The following FNIP1 variants were observed in gnomAD, a reference collection of about 807,000 sequenced individuals.
FNIP1 encodes the protein folliculin interacting protein 1, also known as folliculin-interacting protein 1.
A neutral mutation model predicts 124.5 loss-of-function variants in FNIP1; 40 were observed. That is an observed-to-expected ratio of 0.32 (90% CI 0.25 to 0.42). The LOEUF (loss-of-function observed/expected upper bound fraction) is 0.42. FNIP1 is among the 10% of genes least tolerant of loss of function. FNIP1 has a pLI of 1.00. For missense variants in FNIP1, 1,176 were observed against 1,403.7 expected (o/e 0.84, Z 2.59); for synonymous variants, 472 against 470.6 (o/e 1.00, Z -0.04).
chr5:131,704,204 C>T lies in FNIP1; in HGVS notation c.977G>A (p.Arg326Gln), dbSNP rs192426636. 39 of 1,613,554 alleles carry T rather than the reference C, an allele frequency of 2.4e-5. No individual in the cohort carries two copies. Among genetic ancestry groups the T allele is most frequent in the Admixed American group, 1.7e-4 (10 of 59,998 alleles). The change falls in exon 10 of 18, where the codon CGG becomes CAG. Residue 326 changes from arginine (R) to glutamine (Q), a missense_variant. Around this residue, in one of 2 missense-constraint regions of FNIP1, gnomAD observed 1,109 missense variants for 1,288.5 expected, o/e 0.86. Coordinates refer to ENST00000510461, the MANE Select transcript of FNIP1 (RefSeq NM_133372.3). ...ESCGPNPGIV[R>Q]KKKIAIGVIF... ...TACCCCAATTGCAATCTTCTTTTTC[C>T]GCACAATTCCTGGGTTAGGGCCACA...
intron 1 of FNIP1, among the ~76,000 whole-genome samples, chr5:131,784,141 G>T (rs183262577): frequency 2.0e-5 from 3 of 152,228 alleles, no homozygotes; most frequent in East Asian, 3.9e-4. Flanking sequence ...GGGCTGGAAG[G>T]TTCCAAAAAA....
At chr5:131,715,762 A>C (rs1769447813) in intron 6 of FNIP1, among the ~76,000 whole-genome samples, 1 of 152,128 alleles carries the variant, frequency 6.6e-6, no homozygotes, top group African/African-American at 2.4e-5. Context: ...GAATAAACAC[A>C]AATTATAAAA....
chr5:131,752,966 G>A (rs927894285), intron 1 of FNIP1, among the ~76,000 whole-genome samples: 2 of 152,190 alleles, frequency 1.3e-5, no homozygotes, highest in African/African-American at 4.8e-5. Flanking sequence ...CAGCTACTTG[G>A]GAGGCTGAGG....
At chr5:131,659,545 C>G (rs1172507250) in intron 15 of FNIP1, among the ~76,000 whole-genome samples, 13 of 152,320 alleles carry the variant, frequency 8.5e-5, no homozygotes, top group Non-Finnish European at 1.9e-4. Flanking sequence ...CGGTGAGGAT[C>G]TTCATGAGGT....
chr5:131,676,131 C>A (rs1456748003), intron 13 of FNIP1, among the ~76,000 whole-genome samples: 3 of 151,474 alleles, frequency 2.0e-5, no homozygotes, highest in Admixed American at 6.6e-5. Flanking sequence ...ACACCATTCT[C>A]CTGCCTCAGC....
In FNIP1 at chr5:131,670,532, A is replaced by G; in HGVS notation, c.3039T>C (p.Val1013=). The G allele has an allele frequency of 1.9e-6, 3 of 1,613,936 alleles. No homozygotes were observed. The highest frequency in any genetic ancestry group is 2.5e-6 in the Non-Finnish European group (3 of 1,179,952). Residue 1013 remains valine (V), a synonymous_variant, in exon 15 of 18, where the codon GTT becomes GTC. Coordinates refer to ENST00000510461, the MANE Select transcript of FNIP1 (RefSeq NM_133372.3). ...GYCSSYVPDF[V]LQGIGSDERF... is the part of the protein sequence containing the mutation. ...TCTCATCACTCCCAATTCCTTGAAG[A>G]ACAAAGTCAGGCACATAAGATGAGC...
chr5:131,671,860 C>G lies in FNIP1; in HGVS notation c.2584G>C (p.Asp862His). The change falls in exon 14 of 18, where the codon GAC (aspartate) becomes CAC (histidine). Residue 862 changes from aspartate to histidine, a missense_variant. By Grantham distance (81) the Asp-to-His change is moderately conservative (BLOSUM62 -1). Transcript: ENST00000510461. ...VPFKTSTDSK[D>H]HCCMLEFSKI... ...GAAAACTCTAACATACAGCAATGGT[C>G]TTTACTATCTGTACTTGTTTTAAAT... 1.2e-6 allele frequency: 2 copies of G among 1,614,042 alleles called. No homozygotes were observed. Among genetic ancestry groups the G allele is most frequent in the Non-Finnish European group, 8.5e-7 (1 of 1,180,010 alleles).
At chr5:131,772,017 G>C (rs950724944) in intron 1 of FNIP1, among the ~76,000 whole-genome samples, 2 of 152,050 alleles carry the variant, frequency 1.3e-5, no homozygotes, top group East Asian at 3.8e-4. Context: ...GCCCAGGTAG[G>C]TGTGTTTCTT....
chr5:131,665,223 G>A (rs540165317), intron 15 of FNIP1, among the ~76,000 whole-genome samples: 5 of 152,040 alleles, frequency 3.3e-5, no homozygotes, highest in Admixed American at 6.6e-5. Flanking sequence ...ATGATATACC[G>A]GCAATAAGTG....
chr5:131,740,138 A>T (rs963839292), intron 2 of FNIP1, among the ~76,000 whole-genome samples: 2 of 152,220 alleles, frequency 1.3e-5, no homozygotes, highest in Non-Finnish European at 2.9e-5. Flanking sequence ...TACGTCCCTT[A>T]AGAAGACTTT....
chr5:131,758,642 G>A (rs1269925976), intron 1 of FNIP1, among the ~76,000 whole-genome samples: 2 of 152,146 alleles, frequency 1.3e-5, no homozygotes, highest in African/African-American at 4.8e-5. Flanking sequence ...TTACCCAGAT[G>A]TTATTTATAG....
intron 11 of FNIP1, among the ~76,000 whole-genome samples, chr5:131,690,148 G>A (rs890488715): frequency 5.3e-5 from 8 of 152,136 alleles, no homozygotes; most frequent in South Asian, 2.1e-4. Flanking sequence ...GTGTGAACCC[G>A]GGAGGCGGAG....
At chr5:131,738,022 T>A (rs897748860) in intron 2 of FNIP1, among the ~76,000 whole-genome samples, 1 of 152,164 alleles carries the variant, frequency 6.6e-6, no homozygotes, top group Non-Finnish European at 1.5e-5. Flanking sequence ...TTAGTTTTTG[T>A]CATTAGAAAA....
intron 11 of FNIP1, among the ~76,000 whole-genome samples, chr5:131,697,932 G>A (rs561098845): frequency 1.3e-3 from 176 of 136,636 alleles, no homozygotes; most frequent in African/African-American, 4.9e-3. Context: ...TCACGCCACT[G>A]CACTCCAGCC....
At chr5:131,699,714 T>C (rs921578171) in intron 10 of FNIP1, among the ~76,000 whole-genome samples, 2 of 151,362 alleles carry the variant, frequency 1.3e-5, no homozygotes, top group Non-Finnish European at 2.9e-5. Flanking sequence ...TTTTAAAAAT[T>C]TGCCCAGCCT....
chr5:131,703,845 C>T (rs573204081), intron 10 of FNIP1, among the ~76,000 whole-genome samples: 4 of 152,088 alleles, frequency 2.6e-5, no homozygotes, highest in Admixed American at 1.3e-4. Flanking sequence ...ATTTTAGTCC[C>T]TCAAATATTT....
At chr5:131,751,189 G>A (rs759657060) in intron 1 of FNIP1, among the ~76,000 whole-genome samples, 2 of 151,956 alleles carry the variant, frequency 1.3e-5, no homozygotes, top group East Asian at 1.9e-4. Context: ...TCAATTCCAT[G>A]CCTTTGTACA....
chr5:131,674,699 TA>T (rs1469245795), intron 13 of FNIP1, among the ~76,000 whole-genome samples: 1 of 151,758 alleles, frequency 6.6e-6, no homozygotes, highest in Non-Finnish European at 1.5e-5. Context: ...GCCTGTGCAA[TA>T]GCGTGAGACC....
chr5:131,657,747 A>AAAC (rs1554091800), intron 15 of FNIP1, among the ~76,000 whole-genome samples: 3 of 150,872 alleles, frequency 2.0e-5, no homozygotes, highest in South Asian at 2.1e-4. Flanking sequence ...AAAAAAAAAA[A>AAAC]AAAAAAAAAA....
Sources: allele counts gnomAD v4.1 joint callset (sites outside exome capture counted in the v4.1 genomes callset), GRCh38; gene constraint gnomAD v4.1.1; regional missense constraint gnomAD v4.1.1; transcripts MANE v1.5; gene names NCBI Gene and HGNC (gene_info 2026-07-23, HGNC 2026-07-21).